GLIS3: variants seen among roughly 807,000 people sequenced by gnomAD.
GLIS3 encodes the protein zinc finger protein GLIS3.
GLIS3 carries 53 observed loss-of-function variants against 78.6 expected under a neutral mutation model. The ratio of observed to expected loss-of-function variants is 0.67; its 90% confidence interval spans 0.54 to 0.85. The LOEUF (loss-of-function observed/expected upper bound fraction) is 0.85, where lower values mean the gene tolerates loss of function less well. Among genes scored for constraint, GLIS3 ranks in the 40% least tolerant of loss-of-function variants. The pLI is 0.00. For synonymous variants in GLIS3, 684 were observed against 509.9 expected (o/e 1.34, Z -4.60); for missense variants, 1,703 against 1,231.1 (o/e 1.38, Z -5.74).
intron 1 of GLIS3, among the ~76,000 whole-genome samples, chr9:4,298,109 C>T (rs1336415859): frequency 6.6e-6 from 1 of 152,126 alleles, no homozygotes; most frequent in Admixed American, 6.5e-5. Flanking sequence ...TTGTGCAACT[C>T]GCTCCTGAGT....
intron 4 of GLIS3, among the ~76,000 whole-genome samples, chr9:4,030,661 G>A (rs1343850189): frequency 1.3e-5 from 2 of 152,160 alleles, no homozygotes; most frequent in Non-Finnish European, 2.9e-5. Flanking sequence ...AGTTTTCCAA[G>A]CACCATTTAT....
chr9:3,869,219 CTA>C (rs1298973265), intron 8 of GLIS3, among the ~76,000 whole-genome samples: 2 of 151,912 alleles, frequency 1.3e-5, no homozygotes, highest in Non-Finnish European at 2.9e-5. Flanking sequence ...ATGTATATGA[CTA>C]TTACACATAT....
intron 2 of GLIS3, among the ~76,000 whole-genome samples, chr9:4,245,704 T>A (rs1233208049): frequency 6.6e-6 from 1 of 152,196 alleles, no homozygotes; most frequent in East Asian, 1.9e-4. Flanking sequence ...ACGCTAATTA[T>A]CCTGATTTGA....
intron 2 of GLIS3, among the ~76,000 whole-genome samples, chr9:4,341,850 C>T (rs1356479129): frequency 1.3e-5 from 2 of 152,190 alleles, no homozygotes; most frequent in Non-Finnish European, 2.9e-5. Flanking sequence ...GATTAAATCT[C>T]ATAACAGTTA....
intron 2 of GLIS3, among the ~76,000 whole-genome samples, chr9:4,314,723 C>T (rs1022093359): frequency 6.6e-6 from 1 of 152,192 alleles, no homozygotes; most frequent in African/African-American, 2.4e-5. Flanking sequence ...TGGAGCCAGG[C>T]AGAACTGGGT....
At chr9:4,071,020 A>T (rs1040525764) in intron 4 of GLIS3, 1 of 152,152 alleles carries the variant, frequency 6.6e-6, no homozygotes, top group African/African-American at 2.4e-5. Flanking sequence ...TCTTCCTTTA[A>T]AACTTGTTTA....
At chr9:4,166,602 T>A (rs901254586) in intron 2 of GLIS3, among the ~76,000 whole-genome samples, 23 of 152,154 alleles carry the variant, frequency 1.5e-4, no homozygotes, top group African/African-American at 4.6e-4. Context: ...CCCCTTCTCC[T>A]TCCAGGAGTT....
chr9:4,275,668 T>C (rs1826918088), intron 2 of GLIS3, among the ~76,000 whole-genome samples: 1 of 149,158 alleles, frequency 6.7e-6, no homozygotes, highest in Admixed American at 6.6e-5. Context: ...GAGGCTGAGG[T>C]GGGAGGATCA....
chr9:3,852,780 T>C (rs893161560), intron 9 of GLIS3, among the ~76,000 whole-genome samples: 2 of 152,216 alleles, frequency 1.3e-5, no homozygotes, highest in East Asian at 1.9e-4. Flanking sequence ...TGCAACCTCA[T>C]TGCAACAGTC....
chr9:4,376,005 G>A, the GLIS3 span, among the ~76,000 whole-genome samples: 1 of 152,322 alleles, frequency 6.6e-6, no homozygotes, highest in African/African-American at 2.4e-5. Context: ...TGAGCTGTGA[G>A]CTTCACAGGA....
chr9:4,458,121 C>G, the GLIS3 span, among the ~76,000 whole-genome samples: 1 of 152,168 alleles, frequency 6.6e-6, no homozygotes, highest in Non-Finnish European at 1.5e-5. Flanking sequence ...ACTCATCTTC[C>G]CTACCTGATC....
intron 4 of GLIS3, among the ~76,000 whole-genome samples, chr9:4,013,448 C>T (rs1199427641): frequency 6.6e-6 from 1 of 152,026 alleles, no homozygotes; most frequent in Non-Finnish European, 1.5e-5. Context: ...ATTGTCTGTC[C>T]TTGGAGATTC....
At chr9:4,047,773 T>G (rs2130438333) in intron 4 of GLIS3, among the ~76,000 whole-genome samples, 1 of 152,308 alleles carries the variant, frequency 6.6e-6, no homozygotes, top group Admixed American at 6.5e-5. Context: ...AGGAATGTTC[T>G]GGGAAAGACA....
At chr9:4,077,923 T>C (rs1828217417) in intron 4 of GLIS3, among the ~76,000 whole-genome samples, 1 of 152,216 alleles carries the variant, frequency 6.6e-6, no homozygotes, top group Admixed American at 6.5e-5. Context: ...CTTTCCTTTG[T>C]TCCTATCTCA....
At chr9:4,429,762 T>G in the GLIS3 span, among the ~76,000 whole-genome samples, 1 of 151,942 alleles carries the variant, frequency 6.6e-6, no homozygotes, top group African/African-American at 2.4e-5. Context: ...TTTAAAATTA[T>G]GGAATGGAGA....
Position 4,076,357 on chromosome 9 carries a change from A to T in GLIS3, c.1710+41411T>A, listed in dbSNP as rs184728318. ...AAAACTATGTTTCTCAGAGGAAGGGAAACTGTGATCCTATTATACTATGCA... is the reference window on the plus strand; with the variant it reads ...AAAACTATGTTTCTCAGAGGAAGGGTAACTGTGATCCTATTATACTATGCA... On this transcript the variant is annotated intron_variant, in intron 4 of 10. Transcript: ENST00000381971. Among the ~76,000 whole-genome samples, 288 of 152,310 alleles carry T rather than the reference A, an allele frequency of 1.9e-3. 1 individual carries two copies. Among genetic ancestry groups the T allele is most frequent in the African/African-American group, 6.3e-3 (260 of 41,566 alleles).
At chr9:4,364,756 CTTT>C in the GLIS3 span, among the ~76,000 whole-genome samples, 4 of 61,098 alleles carry the variant, frequency 6.5e-5, no homozygotes, top group Admixed American at 3.2e-4. Flanking sequence ...TCATGTATTG[CTTT>C]TTTTTTTTTT....
intron 9 of GLIS3, among the ~76,000 whole-genome samples, chr9:3,832,602 C>T (rs150147131): frequency 2.6e-5 from 4 of 152,290 alleles, no homozygotes; most frequent in Non-Finnish European, 5.9e-5. Context: ...TTCAGTAGTT[C>T]CTTGGACTGA....
chr9:4,083,582 G>C (rs1322830718), intron 4 of GLIS3, among the ~76,000 whole-genome samples: 2 of 152,152 alleles, frequency 1.3e-5, no homozygotes, highest in African/African-American at 2.4e-5. Context: ...CAATCTATAG[G>C]TAGGAACTTT....
Sources: allele counts gnomAD v4.1 joint callset (sites outside exome capture counted in the v4.1 genomes callset), GRCh38; gene constraint gnomAD v4.1.1; transcripts MANE v1.5; gene names NCBI Gene and HGNC (gene_info 2026-07-23, HGNC 2026-07-21).